ELN: variants seen among roughly 807,000 people sequenced by gnomAD.
ELN encodes the protein elastin, also known as tropoelastin.
ELN carries 65 observed loss-of-function variants against 105.8 expected under a neutral mutation model. The ratio of observed to expected loss-of-function variants is 0.61; its 90% CI spans 0.50 to 0.75. The LOEUF (loss-of-function observed/expected upper bound fraction) is 0.75, where lower values mean the gene tolerates loss of function less well. Among genes scored for constraint, ELN ranks in the 30% least tolerant of loss-of-function variants. The pLI is 0.00. For missense variants in ELN, 882 were observed against 969.4 expected (o/e 0.91, Z 1.20); for synonymous variants, 368 against 389.2 (o/e 0.95, Z 0.64).
chr7:74,046,218 G>A lies in ELN; in HGVS notation c.571+1G>A, dbSNP rs1554672070. ...GGTGGAGCTTTTGCTGGAATCCCAG[G>A]TGAGGCAAGGCTGGTGGGAGAAGCA... On this transcript the variant is annotated splice_donor_variant, in intron 11 of 32. Coordinates refer to ENST00000252034, the MANE Select transcript of ELN (RefSeq NM_000501.4). LOFTEE classifies it high-confidence loss of function. 1.9e-6 allele frequency: 3 copies of A among 1,614,182 alleles called. No homozygotes were observed. Among genetic ancestry groups the A allele is most frequent in the South Asian group, 2.2e-5 (2 of 91,088 alleles).
intron 21 of ELN, among the ~76,000 whole-genome samples, chr7:74,056,932 C>G (rs188376927): frequency 6.6e-6 from 1 of 151,790 alleles, no homozygotes; most frequent in East Asian, 1.9e-4. Flanking sequence ...ACCCCACCCC[C>G]CACCCCCAGA....
rs1554691320 is a variant in ELN, at chr7:74,069,796, A to G, written c.*1096A>G. ...GGGAGCTGTATCCCCAGTAGAAAAAACATTTTAATCACTCTAATATAACTC... is the reference window on the plus strand; with the variant it reads ...GGGAGCTGTATCCCCAGTAGAAAAAGCATTTTAATCACTCTAATATAACTC... On this transcript the variant is annotated 3_prime_UTR_variant, in exon 33 of 33. Transcript: ENST00000252034. 4.5e-6 allele frequency: 1 copy of G among 221,174 alleles called. No homozygotes were observed. Among genetic ancestry groups the G allele is most frequent in the African/African-American group, 2.2e-5 (1 of 44,600 alleles). 13.7% of individuals were successfully genotyped at this position (221,174 alleles called of 1,614,324 possible).
intron 1 of ELN, among the ~76,000 whole-genome samples, chr7:74,033,236 CT>C (rs1789093992): frequency 6.6e-6 from 1 of 152,232 alleles, no homozygotes. Flanking sequence ...GTTCTGAGCA[CT>C]TTGCTCTTCC....
In ELN at chr7:74,066,890, C is replaced by T. The variant is rs1164730024; in HGVS notation, c.2131+114C>T. On this transcript the variant is annotated intron_variant, in intron 32 of 32. Coordinates refer to ENST00000252034, the MANE Select transcript of ELN (RefSeq NM_000501.4). ...CTGAGCCAGCACCCAGGGGTGGACC[C>T]CACAGCCTCAGGTCACACGAGGCTG... 3.5e-6 allele frequency: 4 copies of T among 1,157,786 alleles called. No individual in the cohort carries two copies. The African/African-American group carries it at 6.1e-5, about 18-fold the overall frequency. The allele number at this position is 1,157,786 out of a possible 1,614,324, so 71.7% of individuals were successfully genotyped here.
chr7:74,056,530 G>A (rs1554679972), intron 20 of ELN, 95 bp downstream of exon 20: 3 of 1,602,362 alleles, frequency 1.9e-6, no homozygotes, highest in Non-Finnish European at 1.7e-6. Flanking sequence ...TGTAGATCGG[G>A]CTTGAATGTG....
At chr7:74,053,107 T>C in intron 17 of ELN, 56 bp from the exon 18 acceptor site, 1 of 1,613,636 alleles carries the variant, frequency 6.2e-7, no homozygotes, top group Non-Finnish European at 8.5e-7. Flanking sequence ...CTAACCACCC[T>C]TCTAGCCCCT....
At chr7:74,064,606 A>G (rs1447092748) in intron 29 of ELN, among the ~76,000 whole-genome samples, 1 of 152,024 alleles carries the variant, frequency 6.6e-6, no homozygotes, top group Non-Finnish European at 1.5e-5. Context: ...ACAGAGCAAG[A>G]CCTCATCCCA....
At chr7:74,059,118 A>G (rs1796029401) in intron 22 of ELN, among the ~76,000 whole-genome samples, 1 of 152,030 alleles carries the variant, frequency 6.6e-6, no homozygotes, top group Admixed American at 6.6e-5. Flanking sequence ...CGATCCTCCC[A>G]CATTGGCCTC....
At position 74,028,221 on chromosome 7, in the gene ELN, G is replaced by A. The variant is rs149127344; in HGVS notation, c.34G>A (p.Gly12Arg). ...TCTGACGGCGGCGGCCCCGCGGCCC[G>A]GAGTCCTCCTGCTCCTGCTGTCCAT... Reference protein sequence around the residue: ...AGLTAAAPRPGVLLLLLSILH... With the variant: ...AGLTAAAPRPRVLLLLLSILH... The change falls in exon 1 of 33, where the codon GGA becomes AGA. Residue 12 changes from glycine (G) to arginine (R), a missense_variant. Transcript: ENST00000252034. The A allele has an allele frequency of 3.5e-5, 56 of 1,610,948 alleles. No individual in the cohort carries two copies. The highest frequency in any genetic ancestry group is 1.6e-4 in the African/African-American group (12 of 74,902).
chr7:74,054,470 CAA>C (rs113505500), intron 18 of ELN, among the ~76,000 whole-genome samples: 24 of 89,382 alleles, frequency 2.7e-4, no homozygotes, highest in Admixed American at 2.4e-4. Context: ...GACTCCATCT[CAA>C]AAAAAAAAAA....
chr7:74,039,490 C>T (rs1328365294), intron 4 of ELN, among the ~76,000 whole-genome samples: 3 of 152,224 alleles, frequency 2.0e-5, no homozygotes, highest in Admixed American at 6.5e-5. Flanking sequence ...GCACAGGCAG[C>T]GCGTGTCATG....
At chr7:74,032,331 T>G (rs980998966) in intron 1 of ELN, among the ~76,000 whole-genome samples, 1 of 152,136 alleles carries the variant, frequency 6.6e-6, no homozygotes, top group African/African-American at 2.4e-5. Flanking sequence ...GAGTCTGAGC[T>G]CAGCCCTGGT....
intron 1 of ELN, among the ~76,000 whole-genome samples, chr7:74,029,662 A>C (rs1377577224): frequency 2.0e-5 from 3 of 152,130 alleles, no homozygotes; most frequent in Non-Finnish European, 4.4e-5. Flanking sequence ...ATGGGTACCC[A>C]CAGGCGGGCC....
chr7:74,068,444 G>A (rs1281739537), intron 32 of ELN, among the ~76,000 whole-genome samples: 3 of 152,206 alleles, frequency 2.0e-5, no homozygotes, highest in Non-Finnish European at 4.4e-5. Context: ...TGCGAGCGTT[G>A]GTTTCATCCA....
At chr7:74,058,167 C>T (rs1206001846) in intron 22 of ELN, among the ~76,000 whole-genome samples, 1 of 149,966 alleles carries the variant, frequency 6.7e-6, no homozygotes, top group African/African-American at 2.5e-5. Context: ...TCTTTTCCTT[C>T]TCCTCCCTCT....
intron 8 of ELN, chr7:74,043,529 G>A (rs1374367872): frequency 2.4e-5 from 16 of 674,410 alleles, no homozygotes; most frequent in Non-Finnish European, 4.1e-5. Context: ...TCTGGTACTC[G>A]TTCTGCCCCA....
chr7:74,035,139 C>T (rs1365302194), intron 1 of ELN, among the ~76,000 whole-genome samples: 1 of 152,166 alleles, frequency 6.6e-6, no homozygotes, highest in African/African-American at 2.4e-5. Flanking sequence ...TAAGCCCTGC[C>T]CTTCCAACTT....
intron 19 of ELN, 28 bp from the exon 20 acceptor site, chr7:74,056,243 T>A: frequency 6.2e-7 from 1 of 1,614,200 alleles, no homozygotes; most frequent in Non-Finnish European, 8.5e-7. Context: ...CTGAGCTTCT[T>A]TTCTACTTGG....
At chr7:74,032,377 C>T (rs1418065149) in intron 1 of ELN, among the ~76,000 whole-genome samples, 1 of 152,180 alleles carries the variant, frequency 6.6e-6, no homozygotes, top group Non-Finnish European at 1.5e-5. Flanking sequence ...AAGGACATTC[C>T]TGGCAGGAGA....
Sources: allele counts gnomAD v4.1 joint callset (sites outside exome capture counted in the v4.1 genomes callset), GRCh38; gene constraint gnomAD v4.1.1; transcripts MANE v1.5; gene names NCBI Gene and HGNC (gene_info 2026-07-23, HGNC 2026-07-21).